LPP: variants seen among roughly 807,000 people sequenced by gnomAD.
LPP encodes the protein LIM domain containing preferred translocation partner in lipoma.
Under a neutral mutation model 60.4 loss-of-function variants are expected in LPP, and 38 were observed. The ratio of observed to expected loss-of-function variants is 0.63; its 90% CI spans 0.49 to 0.83. The LOEUF (loss-of-function observed/expected upper bound fraction) is 0.83, where lower values mean the gene tolerates loss of function less well. Among genes scored for constraint, LPP ranks in the 40% least tolerant of loss-of-function variants. LPP has a pLI of 0.00. For synonymous variants in LPP, 328 were observed against 290.8 expected (o/e 1.13, Z -1.30); for missense variants, 902 against 783.6 (o/e 1.15, Z -1.80).
intron 3 of LPP, among the ~76,000 whole-genome samples, chr3:188,404,456 G>T (rs900696586): frequency 6.6e-6 from 1 of 152,212 alleles, no homozygotes; most frequent in South Asian, 2.1e-4. Context: ...TATTGCCCAG[G>T]CTGGTCTCAA....
At chr3:188,871,087 T>C (rs1238364709) in intron 10 of LPP, among the ~76,000 whole-genome samples, 1 of 152,120 alleles carries the variant, frequency 6.6e-6, no homozygotes. Context: ...ATCCAAATAA[T>C]TACTACCAAA....
chr3:188,251,251 C>T (rs1368446200), intron 2 of LPP, among the ~76,000 whole-genome samples: 1 of 151,480 alleles, frequency 6.6e-6, no homozygotes, highest in Non-Finnish European at 1.5e-5. Context: ...ATCAAGTTGG[C>T]TCCTGTGTCC....
rs1307736334 is a variant in LPP, at chr3:188,881,545, C to T, written c.*7066C>T. On this transcript the variant is annotated 3_prime_UTR_variant, in exon 12 of 12. Coordinates refer to ENST00000617246, the MANE Select transcript of LPP (RefSeq NM_001375462.1). ...TTGGAATCACCCAAAGAGAATTTCC[C>T]CAAAAAACCTCAGACCCAGAAGTGT... is the stretch of plus-strand genomic sequence containing the variant. 1 of 216,188 alleles carries T rather than the reference C, an allele frequency of 4.6e-6. No homozygotes were observed. Among genetic ancestry groups the T allele is most frequent in the Non-Finnish European group, 9.3e-6 (1 of 107,332 alleles). 13.4% of individuals were successfully genotyped at this position (216,188 alleles called of 1,614,324 possible).
intron 8 of LPP, among the ~76,000 whole-genome samples, chr3:188,719,350 T>C (rs1031642539): frequency 6.6e-6 from 1 of 152,174 alleles, no homozygotes; most frequent in African/African-American, 2.4e-5. Context: ...CATAGCAACC[T>C]GTCCTGAAAG....
intron 7 of LPP, among the ~76,000 whole-genome samples, chr3:188,625,433 G>A (rs1378889169): frequency 1.3e-5 from 2 of 152,076 alleles, no homozygotes; most frequent in East Asian, 3.9e-4. Flanking sequence ...ATTTTAATGG[G>A]ACACATTTTT....
intron 9 of LPP, among the ~76,000 whole-genome samples, chr3:188,820,246 G>A (rs776525481): frequency 1.6e-4 from 25 of 151,970 alleles, no homozygotes; most frequent in Non-Finnish European, 3.5e-4. Context: ...TCCCTGATAT[G>A]TTTTGCTGTC....
chr3:188,765,332 A>T (rs959717830), intron 9 of LPP, among the ~76,000 whole-genome samples: 45 of 138,670 alleles, frequency 3.2e-4, no homozygotes, highest in African/African-American at 1.2e-3. Flanking sequence ...ACACACACAC[A>T]CACACACTTT....
rs533463941 is a variant in LPP, at chr3:188,688,259, A to G, written c.1114-20008A>G. Among the ~76,000 whole-genome samples, 4 of 152,352 alleles carry G rather than the reference A, an allele frequency of 2.6e-5. No homozygotes were observed. In the East Asian group the frequency reaches 7.7e-4, roughly 29 times the overall value. ...TGATGTCATTTGCCTAATTAATAGC[A>G]AAAGAGGATTGAATTTTCCCTATGC... On this transcript the variant is annotated intron_variant, in intron 7 of 11. Coordinates refer to ENST00000617246, the MANE Select transcript of LPP (RefSeq NM_001375462.1).
At chr3:188,206,665 A>G (rs1733314189) in intron 1 of LPP, among the ~76,000 whole-genome samples, 1 of 152,222 alleles carries the variant, frequency 6.6e-6, no homozygotes, top group Admixed American at 6.5e-5. Context: ...CTTAGAAATG[A>G]GACGGGGAGA....
At chr3:188,408,007 T>G (rs1249877556) in intron 4 of LPP, among the ~76,000 whole-genome samples, 1 of 152,066 alleles carries the variant, frequency 6.6e-6, no homozygotes, top group Non-Finnish European at 1.5e-5. Flanking sequence ...AGGCTGGTCT[T>G]GAACTCCTGA....
At chr3:188,245,612 T>A (rs1033552812) in intron 2 of LPP, among the ~76,000 whole-genome samples, 2 of 152,172 alleles carry the variant, frequency 1.3e-5, no homozygotes, top group Admixed American at 1.3e-4. Flanking sequence ...CAAAGTAAAT[T>A]TAATAAAATA....
chr3:188,797,599 G>A (rs1386680763), intron 9 of LPP, among the ~76,000 whole-genome samples: 1 of 151,580 alleles, frequency 6.6e-6, no homozygotes, highest in Non-Finnish European at 1.5e-5. Flanking sequence ...TTCTGACTTT[G>A]CTTTTCCTCA....
chr3:188,265,196 G>T (rs986875872), intron 2 of LPP, among the ~76,000 whole-genome samples: 7 of 152,160 alleles, frequency 4.6e-5, no homozygotes, highest in African/African-American at 1.7e-4. Context: ...TATTGTTGTT[G>T]TTTGTTTTGT....
chr3:188,364,181 T>C lies in LPP; in HGVS notation c.-10+22462T>C, dbSNP rs544102815. Among the ~76,000 whole-genome samples the C allele has an allele frequency of 6.4e-4, 97 of 152,342 alleles. 1 individual carries two copies. The South Asian group carries it at 9.7e-3, about 15-fold the overall frequency. ...ATGTTTAAGGCCCTGCCCGACTCAT[T>C]GTTTATGCTCAGTTAATGTTAGCTA... On this transcript the variant is annotated intron_variant, in intron 3 of 11. Coordinates refer to ENST00000617246, the MANE Select transcript of LPP (RefSeq NM_001375462.1).
intron 7 of LPP, among the ~76,000 whole-genome samples, chr3:188,675,057 A>T (rs1442976717): frequency 4.5e-5 from 2 of 44,840 alleles, no homozygotes; most frequent in Non-Finnish European, 8.6e-5. Context: ...GTAATTCAGA[A>T]ATTTTTTGAA....
At chr3:188,750,293 G>A (rs1727648904) in intron 8 of LPP, among the ~76,000 whole-genome samples, 1 of 152,162 alleles carries the variant, frequency 6.6e-6, no homozygotes, top group Non-Finnish European at 1.5e-5. Context: ...AAAATGGAAA[G>A]GGTAATATGA....
At chr3:188,317,338 A>C (rs989042316) in intron 2 of LPP, among the ~76,000 whole-genome samples, 1 of 151,898 alleles carries the variant, frequency 6.6e-6, no homozygotes, top group African/African-American at 2.4e-5. Flanking sequence ...TTATTCATGC[A>C]GGGCATCCTA....
At chr3:188,683,454 C>T (rs1859971107) in intron 7 of LPP, among the ~76,000 whole-genome samples, 2 of 152,086 alleles carry the variant, frequency 1.3e-5, no homozygotes, top group South Asian at 4.1e-4. Flanking sequence ...TGGGGTTTCC[C>T]ACCAGTCCAC....
intron 5 of LPP, among the ~76,000 whole-genome samples, chr3:188,518,369 TATGTAAACACA>T (rs2150113246): frequency 6.6e-6 from 1 of 152,350 alleles, no homozygotes; most frequent in South Asian, 2.1e-4. Context: ...AGAAAAGTTG[TATGTAAACACA>T]ATGTAATTTT....
Sources: allele counts gnomAD v4.1 joint callset (sites outside exome capture counted in the v4.1 genomes callset), GRCh38; gene constraint gnomAD v4.1.1; transcripts MANE v1.5; gene names NCBI Gene and HGNC (gene_info 2026-07-23, HGNC 2026-07-21).